JPH3: variants seen among roughly 807,000 people sequenced by gnomAD.
The protein encoded by JPH3 is junctophilin 3.
JPH3 carries 11 observed loss-of-function variants against 59.6 expected under a neutral mutation model. The observed-to-expected ratio is 0.18, with a 90% CI of 0.12 to 0.31. The LOEUF (loss-of-function observed/expected upper bound fraction) is 0.31, where lower values mean the gene tolerates loss of function less well. JPH3 is among the 10% of genes least tolerant of loss of function. The probability of loss-of-function intolerance (pLI) is 1.00; values close to 1 mark genes in which losing one functional copy is unlikely to be tolerated. For missense variants in JPH3, 1,202 were observed against 1,105.7 expected, an observed-to-expected ratio of 1.09 and a Z score of -1.24; for synonymous variants, 673 against 483.6, an observed-to-expected ratio of 1.39 and a Z score of -5.14.
chr16:87,626,699 TG>T (rs1464538687), intron 1 of JPH3, among the ~76,000 whole-genome samples: 1 of 152,164 alleles, frequency 6.6e-6, no homozygotes, highest in Non-Finnish European at 1.5e-5. Context: ...CCCTGACCCT[TG>T]GGAAGGTTGG....
At chr16:87,687,985 T>C (rs2033459533) in intron 3 of JPH3, among the ~76,000 whole-genome samples, 1 of 152,174 alleles carries the variant, frequency 6.6e-6, no homozygotes, top group Non-Finnish European at 1.5e-5. Flanking sequence ...TGGGGGCCTC[T>C]GATGGGGCCA....
At chr16:87,602,486 G>A (rs1258427978), upstream of JPH3, among the ~76,000 whole-genome samples, 9 of 137,804 alleles carry the variant, frequency 6.5e-5, no homozygotes, top group African/African-American at 2.3e-4. Flanking sequence ...CGGGCGGGGT[G>A]CGGGCGCGCG....
intron 2 of JPH3, among the ~76,000 whole-genome samples, chr16:87,672,001 G>A (rs1176274362): frequency 6.6e-6 from 1 of 152,190 alleles, no homozygotes; most frequent in African/African-American, 2.4e-5. Flanking sequence ...GACGGGGTAC[G>A]TGCTGCGTTC....
At position 87,690,203 on chromosome 16, in the gene JPH3, A is replaced by G. The variant is rs757654078; in HGVS notation, c.1843A>G (p.Met615Val). 6 of 1,602,996 alleles carry G rather than the reference A, an allele frequency of 3.7e-6. No individual in the cohort carries two copies. Among genetic ancestry groups the G allele is most frequent in the Admixed American group, 3.4e-5 (2 of 58,984 alleles). The stretch of plus-strand genomic sequence containing the variant: ...GAAGCTGAGCAACTACCGGATGGAG[A>G]TGAAACCCTTGCTGAGGATGGAGAC... ...EEKLSNYRME[M>V]KPLLRMETHP... is the part of the protein sequence containing the mutation. The change falls in exon 4 of 5, where the codon ATG becomes GTG. Residue 615 changes from methionine to valine, a missense_variant. By Grantham distance (21) the Met-to-Val change is conservative (BLOSUM62 1). Coordinates refer to ENST00000284262, the MANE Select transcript of JPH3 (RefSeq NM_020655.4).
At chr16:87,683,080 C>A (rs1349397347) in intron 2 of JPH3, among the ~76,000 whole-genome samples, 15 of 152,184 alleles carry the variant, frequency 9.9e-5, no homozygotes, top group Non-Finnish European at 4.4e-5. Context: ...TCGGCGTCAT[C>A]TTTCGGCTGG....
intron 2 of JPH3, chr16:87,683,901 C>T (rs2033354106): frequency 2.0e-6 from 1 of 500,790 alleles, no homozygotes; most frequent in Non-Finnish European, 3.6e-6. Context: ...CCACCATGCC[C>T]TGCCCAGAGG....
At chr16:87,696,244 C>T (rs368363530) in intron 4 of JPH3, 17 of 444,114 alleles carry the variant, frequency 3.8e-5, no homozygotes, top group Middle Eastern at 6.9e-4. Context: ...CCACACGCAC[C>T]GAGACGTTTG....
intron 3 of JPH3, among the ~76,000 whole-genome samples, chr16:87,685,086 G>GC (rs1323866429): frequency 6.6e-6 from 1 of 152,198 alleles, no homozygotes; most frequent in Non-Finnish European, 1.5e-5. Context: ...GAACTTGCTC[G>GC]CAACGCCTGC....
At chr16:87,634,406 G>A (rs2031665608) in intron 1 of JPH3, among the ~76,000 whole-genome samples, 1 of 152,192 alleles carries the variant, frequency 6.6e-6, no homozygotes, top group African/African-American at 2.4e-5. Context: ...GCCGGGAATG[G>A]GGAGGCCATC....
At chr16:87,690,960 G>A (rs1163274389) in intron 4 of JPH3, among the ~76,000 whole-genome samples, 1 of 152,200 alleles carries the variant, frequency 6.6e-6, no homozygotes, top group Non-Finnish European at 1.5e-5. Context: ...CCTGGGGCTG[G>A]GAGTCAGGTC....
rs2033530530 is a variant in JPH3 at position 87,690,215 on chromosome 16, C to T, written c.1855C>T (p.Leu619=). ...SNYRMEMKPL[L]RMETHPQKRR... is the part of the protein sequence containing the mutation. ...CTACCGGATGGAGATGAAACCCTTG[C>T]TGAGGATGGAGACGCATCCCCAGAA... is the stretch of plus-strand genomic sequence containing the variant. The change falls in exon 4 of 5, where the codon CTG becomes TTG. Residue 619 remains leucine (L), a synonymous_variant. Transcript: ENST00000284262. The T allele has an allele frequency of 6.2e-7, 1 of 1,603,974 alleles. No individual in the cohort carries two copies. Among genetic ancestry groups the T allele is most frequent in the Non-Finnish European group, 8.5e-7 (1 of 1,175,890 alleles).
chr16:87,629,351 G>T (rs2031487296), intron 1 of JPH3, among the ~76,000 whole-genome samples: 2 of 151,750 alleles, frequency 1.3e-5, no homozygotes, highest in Non-Finnish European at 2.9e-5. Flanking sequence ...GTATATTTTA[G>T]TAAAGATAAC....
intron 4 of JPH3, chr16:87,694,543 T>G (rs2033726119): frequency 6.6e-6 from 1 of 152,200 alleles, no homozygotes; most frequent in South Asian, 2.1e-4. Flanking sequence ...GGGCTCTGAG[T>G]TTGCATCCTT....
chr16:87,618,045 T>A (rs1041249211), intron 1 of JPH3, among the ~76,000 whole-genome samples: 2 of 151,938 alleles, frequency 1.3e-5, no homozygotes, highest in African/African-American at 4.8e-5. Flanking sequence ...GCGCCTGCAG[T>A]CCCAGCCACT....
At chr16:87,672,312 G>C (rs1426532728) in intron 2 of JPH3, among the ~76,000 whole-genome samples, 1 of 152,186 alleles carries the variant, frequency 6.6e-6, no homozygotes, top group African/African-American at 2.4e-5. Context: ...CCTACTCCCA[G>C]AAACAAGATG....
intron 3 of JPH3, among the ~76,000 whole-genome samples, chr16:87,686,382 C>G (rs925928110): frequency 3.9e-5 from 5 of 129,304 alleles, no homozygotes; most frequent in Admixed American, 3.7e-4. Context: ...GAGATGCTTC[C>G]CAGAGGGCTC....
intron 2 of JPH3, among the ~76,000 whole-genome samples, chr16:87,671,423 G>A (rs1173678502): frequency 6.6e-6 from 1 of 152,202 alleles, no homozygotes; most frequent in Non-Finnish European, 1.5e-5. Context: ...TCATGTGCCA[G>A]GTGACTCAGC....
chr16:87,680,778 C>T (rs192956451), intron 2 of JPH3, among the ~76,000 whole-genome samples: 73 of 152,372 alleles, frequency 4.8e-4, no homozygotes, highest in Admixed American at 3.3e-4. Context: ...GAGTCTCCTC[C>T]TCCATGACGT....
rs752113370 is a variant in JPH3, at chr16:87,644,737, T to G, written c.862T>G (p.Tyr288Asp). 6.2e-7 allele frequency: 1 copy of G among 1,612,622 alleles called. No homozygotes were observed. The highest frequency in any genetic ancestry group is 8.5e-7 in the Non-Finnish European group (1 of 1,179,846). The change falls in exon 2 of 5, where the codon TAC (tyrosine) becomes GAC (aspartate). Residue 288 changes from tyrosine (Y) to aspartate (D), a missense_variant. By Grantham distance (160) the Tyr-to-Asp change is radical (BLOSUM62 -3). Transcript: ENST00000284262. ...DDIDATTTET[Y>D]VGEWKNDKRS... is the part of the protein sequence containing the mutation. ...CATCGACGCCACCACCACCGAGACC[T>G]ACGTGGGCGAGTGGAAGAACGACAA...
Sources: allele counts gnomAD v4.1 joint callset (sites outside exome capture counted in the v4.1 genomes callset), GRCh38; gene constraint gnomAD v4.1.1; transcripts MANE v1.5; gene names NCBI Gene and HGNC (gene_info 2026-07-23, HGNC 2026-07-21).